The following UTP20 variants were observed in gnomAD, a reference collection of about 807,000 sequenced individuals.
The protein encoded by UTP20 is UTP20 small subunit processome component.
In UTP20, 164 loss-of-function variants were observed where a neutral mutation model predicts 329.5. The observed-to-expected ratio is 0.50, with a 90% CI of 0.44 to 0.57. UTP20 has a LOEUF of 0.57. UTP20 is among the 20% of genes least tolerant of loss of function. The probability of loss-of-function intolerance (pLI) is 0.00; values close to 1 mark genes in which losing one functional copy is unlikely to be tolerated. For synonymous variants in UTP20, 1,151 were observed against 1,159.3 expected (o/e 0.99, Z 0.14); for missense variants, 3,055 against 3,284.2 (o/e 0.93, Z 1.71).
chr12:101,384,657 C>T lies in UTP20; in HGVS notation c.8057-926C>T, dbSNP rs79222844. The stretch of plus-strand genomic sequence containing the variant: ...GCCTGATACATTTCCCTCACTTATT[C>T]TAATTGTTGGTAATAACAGGTAAAG... On this transcript the variant is annotated intron_variant, in intron 60 of 61. Transcript: ENST00000261637. 7.2e-5 allele frequency among the ~76,000 whole-genome samples: 11 copies of T among 152,136 alleles called. No homozygotes were observed. The East Asian group carries it at 2.1e-3, about 29-fold the overall frequency.
In UTP20 at chr12:101,386,340, G is replaced by C. The variant is rs1593459927; in HGVS notation, c.*217G>C. ...TCTCACCTCAGCCTCCCAAGTAGTT[G>C]TGCCTCCTAGGCACACAACACTATG... On this transcript the variant is annotated 3_prime_UTR_variant, in exon 62 of 62. Transcript: ENST00000261637. The C allele has an allele frequency of 2.8e-5, 12 of 423,866 alleles. No individual in the cohort carries two copies. The East Asian group carries it at 4.9e-4, about 17-fold the overall frequency. The allele number at this position is 423,866 out of a possible 1,614,324, so 26.3% of individuals were successfully genotyped here. A position where few individuals can be genotyped will look rare whatever the true frequency, so the allele number is the denominator to read the frequency against.
In UTP20 at chr12:101,291,965, T is replaced by C; in HGVS notation, c.1039-5T>C. On this transcript the variant is annotated splice_polypyrimidine_tract_variant and splice_region_variant and intron_variant, in intron 9 of 61. Coordinates refer to ENST00000261637, the MANE Select transcript of UTP20 (RefSeq NM_014503.3). ...CTGAGTATGCATTGTTTTTTCTTTT[T>C]GCAGGTGTTATCTCAAACACTGCAA... The C allele has an allele frequency of 6.2e-7, 1 of 1,610,728 alleles. No homozygotes were observed. Among genetic ancestry groups the C allele is most frequent in the South Asian group, 1.1e-5 (1 of 90,028 alleles).
At chr12:101,293,837 G>C (rs1468102746) in intron 11 of UTP20, among the ~76,000 whole-genome samples, 1 of 151,928 alleles carries the variant, frequency 6.6e-6, no homozygotes, top group African/African-American at 2.4e-5. Context: ...ATCTTGCTCT[G>C]TTTAACAACT....
Position 101,338,126 on chromosome 12 carries a change from C to T in UTP20, c.3717C>T (p.Leu1239=). 1 of 1,614,156 alleles carries T rather than the reference C, an allele frequency of 6.2e-7. No individual in the cohort carries two copies. The highest frequency in any genetic ancestry group is 8.5e-7 in the Non-Finnish European group (1 of 1,180,030). ...CDILTNVFAI[L]SAKNLSDATA... Reference sequence around the variant, plus strand: ...TCCTGACCAATGTTTTTGCAATTCTCTCAGCGAAGAATCTTTCTGATGCCA... The same window carrying T: ...TCCTGACCAATGTTTTTGCAATTCTTTCAGCGAAGAATCTTTCTGATGCCA... Residue 1239 remains leucine (L), a synonymous_variant, in exon 30 of 62, where the codon CTC becomes CTT. Transcript: ENST00000261637.
chr12:101,285,691 C>T, intron 3 of UTP20, 55 bp downstream of exon 3: 1 of 1,613,330 alleles, frequency 6.2e-7, no homozygotes, highest in Non-Finnish European at 8.5e-7. Context: ...TTTATATGTT[C>T]CATACAGCTG....
chr12:101,382,125 G>A (rs1870667255), intron 58 of UTP20, among the ~76,000 whole-genome samples: 1 of 151,952 alleles, frequency 6.6e-6, no homozygotes, highest in Admixed American at 6.6e-5. Context: ...GTAAAATGGG[G>A]CTGGTGTGGT....
At chr12:101,385,513 T>G in intron 60 of UTP20, 70 bp from the exon 61 acceptor site, 1 of 1,518,142 alleles carries the variant, frequency 6.6e-7, no homozygotes, top group Non-Finnish European at 8.9e-7. Context: ...GTACATATTG[T>G]TGATTTTGTT....
Position 101,383,131 on chromosome 12 carries a change from G to A in UTP20, c.7747G>A (p.Glu2583Lys), listed in dbSNP as rs1203248857. The change falls in exon 59 of 62, where the codon GAA (glutamate) becomes AAA (lysine). Residue 2583 changes from glutamate to lysine, a missense_variant. Around this residue, in one of 3 missense-constraint regions of UTP20, gnomAD observed 337 missense variants for 345.5 expected, o/e 0.98. Coordinates refer to ENST00000261637, the MANE Select transcript of UTP20 (RefSeq NM_014503.3). Reference sequence around the variant, plus strand: ...GCAAAGTAAGATAAAAGAAGACCTGGAAGAACAAGAAGCTTTAGAAGATGG... The same window carrying A: ...GCAAAGTAAGATAAAAGAAGACCTGAAAGAACAAGAAGCTTTAGAAGATGG... Reference protein sequence around the residue: ...DKQSKIKEDLEEQEALEDGVA... With the variant: ...DKQSKIKEDLKEQEALEDGVA... 11 of 1,613,974 alleles carry A rather than the reference G, an allele frequency of 6.8e-6. No homozygotes were observed. Among genetic ancestry groups the A allele is most frequent in the Non-Finnish European group, 9.3e-6 (11 of 1,179,928 alleles).
At position 101,309,745 on chromosome 12, in the gene UTP20, A is replaced by G; in HGVS notation, c.2155-18A>G. On this transcript the variant is annotated intron_variant, in intron 18 of 61. Coordinates refer to ENST00000261637, the MANE Select transcript of UTP20 (RefSeq NM_014503.3). ...GTATTTCATTACCCAATACTAAACT[A>G]GTCTTTTGTAATTGCAGGTGCCGCT... 1.9e-6 allele frequency: 3 copies of G among 1,609,424 alleles called. No homozygotes were observed.
chr12:101,340,474 G>T, intron 31 of UTP20, 49 bp from the exon 32 acceptor site: 1 of 1,200,282 alleles, frequency 8.3e-7, no homozygotes, highest in South Asian at 1.4e-5. Flanking sequence ...ACTTCTTAGA[G>T]AAATATCCTT....
In UTP20 at chr12:101,300,031, A is replaced by T. The variant is rs769278795; in HGVS notation, c.1645A>T (p.Met549Leu). The T allele has an allele frequency of 6.2e-7, 1 of 1,614,172 alleles. No homozygotes were observed. Among genetic ancestry groups the T allele is most frequent in the East Asian group, 2.2e-5 (1 of 44,870 alleles). Residue 549 changes from methionine (M) to leucine (L), a missense_variant, in exon 14 of 62, where the codon ATG becomes TTG. Around this residue, in one of 3 missense-constraint regions of UTP20, gnomAD observed 2,445 missense variants for 2,575.5 expected, o/e 0.95. Transcript: ENST00000261637. ...LVTGFIEALF[M>L]TVDKGSFGKG... ...CACCGGCTTCATAGAGGCACTCTTC[A>T]TGACTGTTGACAAAGGAAGCTTTGG...
At chr12:101,341,269 C>T (rs763530216) in intron 32 of UTP20, among the ~76,000 whole-genome samples, 4 of 151,952 alleles carry the variant, frequency 2.6e-5, no homozygotes, top group Admixed American at 6.6e-5. Flanking sequence ...TGAGCCACCG[C>T]GCCCGGCCTC....
At chr12:101,330,927 T>C (rs1234594300) in intron 27 of UTP20, among the ~76,000 whole-genome samples, 1 of 152,268 alleles carries the variant, frequency 6.6e-6, no homozygotes, top group East Asian at 1.9e-4. Flanking sequence ...AGTGAATTAT[T>C]GCACAGTAGT....
chr12:101,319,515 T>C (rs1565792720), intron 22 of UTP20, 30 bp from the exon 23 acceptor site: 1 of 1,530,908 alleles, frequency 6.5e-7, no homozygotes, highest in African/African-American at 1.4e-5. Flanking sequence ...TCTTTAATTC[T>C]GTAACACTCT....
In UTP20 at chr12:101,356,693, G is replaced by A; in HGVS notation, c.5534G>A (p.Ser1845Asn). 1 of 1,602,358 alleles carries A rather than the reference G, an allele frequency of 6.2e-7. No individual in the cohort carries two copies. Among genetic ancestry groups the A allele is most frequent in the Non-Finnish European group, 8.5e-7 (1 of 1,177,076 alleles). ...GAAGTTATGGAAGCTAATCTGCCAA[G>A]GTATGTTTTTTAACAAATTAGAAGT... ...PQEVMEANLPSILLKVCALLK... is the reference protein window; with the variant it reads ...PQEVMEANLPNILLKVCALLK... Residue 1845 changes from serine (S) to asparagine (N), a missense_variant and splice_region_variant, in exon 42 of 62, where the codon AGT becomes AAT. Ser to Asn is a conservative substitution (Grantham distance 46, BLOSUM62 1). This residue lies in a region of UTP20 where 2,445 missense variants were observed against 2,575.5 expected (regional missense o/e 0.95). Coordinates refer to ENST00000261637, the MANE Select transcript of UTP20 (RefSeq NM_014503.3).
chr12:101,280,961 T>C (rs1387658154), intron 1 of UTP20, among the ~76,000 whole-genome samples, 155 bp from the exon 2 acceptor site: 1 of 152,182 alleles, frequency 6.6e-6, no homozygotes, highest in African/African-American at 2.4e-5. Context: ...CTTTGAACAG[T>C]GATGCAGTAA....
intron 36 of UTP20, among the ~76,000 whole-genome samples, chr12:101,345,220 A>T (rs1399831692): frequency 6.6e-6 from 1 of 152,112 alleles, no homozygotes; most frequent in East Asian, 1.9e-4. Context: ...TGCTGGGATT[A>T]CAGGTATGAG....
chr12:101,353,246 GGACA>G (rs1869598083), intron 40 of UTP20, 117 bp downstream of exon 40: 1 of 570,220 alleles, frequency 1.8e-6, no homozygotes, highest in Non-Finnish European at 2.9e-6. Context: ...TACTAGCAAT[GGACA>G]GTTAATGAGT....
Position 101,374,883 on chromosome 12 carries a change from C to T in UTP20, c.7207C>T (p.Leu2403Phe), listed in dbSNP as rs1427921457. The T allele has an allele frequency of 1.9e-6, 3 of 1,604,106 alleles. No individual in the cohort carries two copies. Among genetic ancestry groups the T allele is most frequent in the African/African-American group, 2.7e-5 (2 of 74,744 alleles). ...ESEGVDFEKR[L>F]GTVLPVIEKE... The stretch of plus-strand genomic sequence containing the variant: ...TGAAGGAGTTGATTTTGAGAAAAGA[C>T]TTGGAACTGTCCTTCCTGTGATTGA... Residue 2403 changes from leucine (L) to phenylalanine (F), a missense_variant, in exon 55 of 62, where the codon CTT becomes TTT. Leu to Phe is a conservative substitution (Grantham distance 22). Transcript: ENST00000261637.
Sources: allele counts gnomAD v4.1 joint callset (sites outside exome capture counted in the v4.1 genomes callset), GRCh38; gene constraint gnomAD v4.1.1; regional missense constraint gnomAD v4.1.1; transcripts MANE v1.5; gene names NCBI Gene and HGNC (gene_info 2026-07-23, HGNC 2026-07-21).